CSMD3: variants seen among roughly 807,000 people sequenced by gnomAD.
The protein encoded by CSMD3 is CUB and Sushi multiple domains 3.
In CSMD3, 177 loss-of-function variants were observed where a neutral mutation model predicts 435.2. The ratio of observed to expected loss-of-function variants is 0.41; its 90% CI spans 0.36 to 0.46. The LOEUF (loss-of-function observed/expected upper bound fraction) is 0.46, where lower values mean the gene tolerates loss of function less well. Ranked by LOEUF, CSMD3 falls within the 20% of genes least tolerant of loss-of-function variation. The pLI is 0.34. For synonymous variants in CSMD3, 1,656 were observed against 1,520.5 expected (o/e 1.09, Z -2.07); for missense variants, 4,265 against 4,504.6 (o/e 0.95, Z 1.52).
chr8:112,650,496 T>C (rs1285014146), intron 18 of CSMD3, 147 bp from the exon 19 acceptor site: 38 of 718,234 alleles, frequency 5.3e-5, no homozygotes, highest in Admixed American at 4.5e-5. Flanking sequence ...GCAATTTATT[T>C]AATAAATTTG....
In CSMD3 at chr8:113,354,398, G is replaced by A. The variant is rs528285859; in HGVS notation, c.179-39605C>T. Among the ~76,000 whole-genome samples the A allele has an allele frequency of 3.3e-5, 5 of 152,250 alleles. No homozygotes were observed. In the East Asian group the frequency reaches 9.6e-4, roughly 29 times the overall value. ...TAGGGGAACCTCCTTGAAATTAAAG[G>A]AAGAACGTTTGAGGTATATAAAAGA... On this transcript the variant is annotated intron_variant, in intron 1 of 70. Transcript: ENST00000297405.
intron 7 of CSMD3, among the ~76,000 whole-genome samples, chr8:112,964,381 C>A (rs187999798): frequency 1.7e-4 from 26 of 151,564 alleles, no homozygotes; most frequent in Admixed American, 1.7e-3. Context: ...AATATTTGAC[C>A]CTAAATATGT....
At chr8:113,015,326 A>G (rs2086414137) in intron 6 of CSMD3, among the ~76,000 whole-genome samples, 1 of 152,120 alleles carries the variant, frequency 6.6e-6, no homozygotes, top group African/African-American at 2.4e-5. Flanking sequence ...AAATATCATT[A>G]TCTTTCATAA....
intron 1 of CSMD3, among the ~76,000 whole-genome samples, chr8:113,320,740 A>C (rs1479888152): frequency 1.3e-5 from 2 of 151,970 alleles, no homozygotes; most frequent in Non-Finnish European, 2.9e-5. Flanking sequence ...TTCTAATCTC[A>C]TGAACTTCTC....
At chr8:112,702,134 T>C (rs1159973501) in intron 13 of CSMD3, among the ~76,000 whole-genome samples, 3 of 152,176 alleles carry the variant, frequency 2.0e-5, no homozygotes, top group Non-Finnish European at 4.4e-5. Flanking sequence ...ATGATTTATG[T>C]ATCACACGGT....
intron 24 of CSMD3, among the ~76,000 whole-genome samples, chr8:112,557,926 A>G (rs1336524539): frequency 1.3e-5 from 2 of 151,944 alleles, no homozygotes; most frequent in Non-Finnish European, 2.9e-5. Context: ...TAGATTTTCA[A>G]TTGGCATCTG....
At chr8:113,033,154 G>A (rs2131250648) in intron 5 of CSMD3, among the ~76,000 whole-genome samples, 1 of 151,758 alleles carries the variant, frequency 6.6e-6, no homozygotes, top group East Asian at 1.9e-4. Flanking sequence ...GTGAGTTGGA[G>A]CTCTCACACA....
chr8:112,255,455 T>G (rs745375051), intron 61 of CSMD3, 28 bp from the exon 62 acceptor site: 2 of 1,609,880 alleles, frequency 1.2e-6, no homozygotes, highest in Admixed American at 3.3e-5. Context: ...GACGCTTATA[T>G]CAAAGATTTA....
intron 38 of CSMD3, among the ~76,000 whole-genome samples, chr8:112,361,325 A>G (rs1386446526): frequency 6.6e-6 from 1 of 151,710 alleles, no homozygotes; most frequent in Non-Finnish European, 1.5e-5. Context: ...ATCCATACAA[A>G]AAATTGCACA....
chr8:113,108,331 T>C (rs1588087408), intron 4 of CSMD3, among the ~76,000 whole-genome samples: 1 of 151,046 alleles, frequency 6.6e-6, no homozygotes, highest in African/African-American at 2.4e-5. Flanking sequence ...AGGAGGCTGA[T>C]GCAGGAGAAT....
At chr8:112,759,609 G>GGTGATAGAAAATAATATT (rs2077787323) in intron 13 of CSMD3, among the ~76,000 whole-genome samples, 1 of 152,010 alleles carries the variant, frequency 6.6e-6, no homozygotes, top group Non-Finnish European at 1.5e-5. Flanking sequence ...AATTGCATAT[G>GGTGATAGAAAATAATATT]GTGATAGAAC....
At chr8:113,049,280 T>A (rs535415511) in intron 5 of CSMD3, among the ~76,000 whole-genome samples, 1 of 152,064 alleles carries the variant, frequency 6.6e-6, no homozygotes, top group African/African-American at 2.4e-5. Flanking sequence ...CCAGCTTTTA[T>A]ACTCTGAACA....
intron 16 of CSMD3, among the ~76,000 whole-genome samples, chr8:112,679,621 A>G (rs1343738809): frequency 6.6e-6 from 1 of 152,116 alleles, no homozygotes; most frequent in Non-Finnish European, 1.5e-5. Context: ...ATAGTAGAAA[A>G]TCTCCCTGAA....
intron 12 of CSMD3, among the ~76,000 whole-genome samples, chr8:112,821,024 G>T (rs145172771): frequency 0.014 from 2,128 of 152,152 alleles, 50 homozygotes; most frequent in African/African-American, 0.049. Flanking sequence ...TGATGTATAT[G>T]TACCATATTT....
At position 112,862,358 on chromosome 8, in the gene CSMD3, G is replaced by T. The variant is rs545927619; in HGVS notation, c.1634-3092C>A. 1.0e-3 allele frequency among the ~76,000 whole-genome samples: 154 copies of T among 152,014 alleles called. No homozygotes were observed. In the Middle Eastern group the frequency reaches 0.014, roughly 14 times the overall value. Reference sequence around the variant, plus strand: ...AAGATTTTTTTGCATATATCATGACGACTGTTCTAGGTCAGTACATATAGG... The same window carrying T: ...AAGATTTTTTTGCATATATCATGACTACTGTTCTAGGTCAGTACATATAGG... On this transcript the variant is annotated intron_variant, in intron 10 of 70. Coordinates refer to ENST00000297405, the MANE Select transcript of CSMD3 (RefSeq NM_198123.2).
At chr8:113,153,126 AG>A (rs2091858005) in intron 4 of CSMD3, among the ~76,000 whole-genome samples, 1 of 64,084 alleles carries the variant, frequency 1.6e-5, no homozygotes. Context: ...AGAAAGAAAG[AG>A]AAAGAAGGAA....
chr8:112,749,568 A>C (rs571519034), intron 13 of CSMD3, among the ~76,000 whole-genome samples: 3 of 152,186 alleles, frequency 2.0e-5, no homozygotes, highest in East Asian at 3.9e-4. Flanking sequence ...CGTAAAACCC[A>C]AAAAAATATT....
chr8:112,781,835 A>T (rs1291920955), intron 13 of CSMD3, among the ~76,000 whole-genome samples: 1 of 152,190 alleles, frequency 6.6e-6, no homozygotes. Context: ...CTAAGGCAGT[A>T]TCTCCATAAG....
At chr8:113,237,278 T>G (rs2093161232) in intron 3 of CSMD3, among the ~76,000 whole-genome samples, 1 of 152,152 alleles carries the variant, frequency 6.6e-6, no homozygotes, top group Admixed American at 6.6e-5. Context: ...ATCAACTGAT[T>G]GGATTCAAAT....
Sources: gnomAD v4.1 joint callset for allele counts (sites outside exome capture counted in the v4.1 genomes callset) on GRCh38, gnomAD v4.1.1 for gene constraint, MANE v1.5 for transcripts, NCBI Gene and HGNC (gene_info 2026-07-23, HGNC 2026-07-21) for gene names.